OAF: variants seen among roughly 807,000 people sequenced by gnomAD.
OAF encodes out at first homolog, also known as out at first protein homolog.
A neutral mutation model predicts 22.5 loss-of-function variants in OAF; 13 were observed. The ratio of observed to expected loss-of-function variants is 0.58; its 90% CI spans 0.38 to 0.92. The LOEUF (loss-of-function observed/expected upper bound fraction) is 0.92, where lower values mean the gene tolerates loss of function less well. Among genes scored for constraint, OAF ranks in the 40% least tolerant of loss-of-function variants. OAF has a pLI of 0.00. For synonymous variants in OAF, 175 were observed against 170.5 expected (o/e 1.03, Z -0.21); for missense variants, 347 against 381.8 (o/e 0.91, Z 0.76).
intron 1 of OAF, chr11:120,217,092 A>C (rs1938221980): frequency 6.6e-6 from 1 of 152,296 alleles, no homozygotes; most frequent in Non-Finnish European, 1.5e-5. Context: ...GGAGGGGAGA[A>C]GGAGGCTGGA....
At position 120,229,039 on chromosome 11, in the gene OAF, C is replaced by A. The variant is rs1938399810; in HGVS notation, c.719C>A (p.Pro240His). 1 of 1,613,654 alleles carries A rather than the reference C, an allele frequency of 6.2e-7. No individual in the cohort carries two copies. Among genetic ancestry groups the A allele is most frequent in the African/African-American group, 1.3e-5 (1 of 75,034 alleles). ...TGCCACAGCCGCGACCGGCCCACGC[C>A]CTACAAGTGTGGCATCCGCAGCTGC... ...KYCHSRDRPT[P>H]YKCGIRSCQK... The change falls in exon 4 of 4, where the codon CCC (proline) becomes CAC (histidine). Residue 240 changes from proline to histidine, a missense_variant. Transcript: ENST00000328965.
intron 1 of OAF, among the ~76,000 whole-genome samples, chr11:120,216,756 A>AGAGT (rs1320749986): frequency 1.3e-5 from 2 of 152,122 alleles, no homozygotes; most frequent in Non-Finnish European, 2.9e-5. Context: ...GCTGGTGGGG[A>AGAGT]GAGTGAGTTA....
chr11:120,228,112 C>A (rs1316456682), intron 3 of OAF, among the ~76,000 whole-genome samples: 2 of 149,284 alleles, frequency 1.3e-5, no homozygotes, highest in African/African-American at 4.9e-5. Context: ...GAGATAAAGT[C>A]TCACTGTTGT....
intron 1 of OAF, among the ~76,000 whole-genome samples, chr11:120,217,751 A>G (rs551066655): frequency 6.6e-6 from 1 of 152,302 alleles, no homozygotes; most frequent in South Asian, 2.1e-4. Flanking sequence ...CAGTGTGCGC[A>G]GTGACTAAGA....
In OAF at chr11:120,222,332, C is replaced by T. The variant is rs186074502; in HGVS notation, c.232-3329C>T. 1.6e-3 allele frequency among the ~76,000 whole-genome samples: 238 copies of T among 152,076 alleles called. 2 individuals carry two copies. The East Asian group carries it at 0.042, about 27-fold the overall frequency. On this transcript the variant is annotated intron_variant, in intron 1 of 3. Coordinates refer to ENST00000328965, the MANE Select transcript of OAF (RefSeq NM_178507.4). ...CAGCACTTTGGGAGGCCAAGGCAGGCGGATCACCTGAGGTCAGGAGTTCGA... is the reference window on the plus strand; with the variant it reads ...CAGCACTTTGGGAGGCCAAGGCAGGTGGATCACCTGAGGTCAGGAGTTCGA...
chr11:120,228,943 G>A lies in OAF; in HGVS notation c.623G>A (p.Gly208Glu). Residue 208 changes from glycine to glutamate, a missense_variant, in exon 4 of 4, where the codon GGG becomes GAG. Physicochemically the swap from Gly to Glu is moderately conservative, Grantham distance 98 (BLOSUM62 -2). Transcript: ENST00000328965. ...QAELPRCRQV[G>E]DHGKPCVCRY... ...GAGCTGCCTCGCTGCAGGCAGGTGGGGGACCACGGGAAGCCCTGCGTCTGC... is the reference window on the plus strand; with the variant it reads ...GAGCTGCCTCGCTGCAGGCAGGTGGAGGACCACGGGAAGCCCTGCGTCTGC... The A allele has an allele frequency of 6.2e-7, 1 of 1,611,878 alleles. No individual in the cohort carries two copies. The highest frequency in any genetic ancestry group is 8.5e-7 in the Non-Finnish European group (1 of 1,179,802).
rs144197830 is a variant in OAF at position 120,219,093 on chromosome 11, G to T, written c.232-6568G>T. ...GATGCGGGGTGTGCCCTGACGCTGG[G>T]CATGAGATGGGGAATTCACAGGGGG... On this transcript the variant is annotated intron_variant, in intron 1 of 3. Coordinates refer to ENST00000328965, the MANE Select transcript of OAF (RefSeq NM_178507.4). 1.9e-3 allele frequency among the ~76,000 whole-genome samples: 277 copies of T among 147,166 alleles called. 1 individual carries two copies. Among genetic ancestry groups the T allele is most frequent in the African/African-American group, 6.5e-3 (265 of 40,510 alleles).
At chr11:120,217,569 A>C (rs1938229289) in intron 1 of OAF, 1 of 150,128 alleles carries the variant, frequency 6.7e-6, no homozygotes, top group African/African-American at 2.5e-5. Context: ...ACAGAGTGAG[A>C]CTCCATCTCA....
In OAF at chr11:120,229,257, C is replaced by CCAGGCT; in HGVS notation, c.*116_*117insAGGCTC. On this transcript the variant is annotated 3_prime_UTR_variant, in exon 4 of 4. Transcript: ENST00000328965. Reference sequence around the variant, plus strand: ...TTCCCTCCCTCCCCACTCCCCTGGCCCTAGAGCCTGGGCCCCTCTGGCCCC... The same window carrying CCAGGCT: ...TTCCCTCCCTCCCCACTCCCCTGGCCCAGGCTCTAGAGCCTGGGCCCCTCTGGCCCC... 1.0e-6 allele frequency: 1 copy of CCAGGCT among 975,580 alleles called. No homozygotes were observed. The highest frequency in any genetic ancestry group is 1.5e-6 in the Non-Finnish European group (1 of 658,740). The allele number at this position is 975,580 out of a possible 1,614,324, so 60.4% of individuals were successfully genotyped here.
Position 120,226,944 on chromosome 11 carries a change from C to A in OAF, c.495C>A (p.Ala165=). 3.1e-6 allele frequency: 5 copies of A among 1,609,162 alleles called. No homozygotes were observed. In the South Asian group the frequency reaches 4.4e-5, roughly 14 times the overall value. The stretch of plus-strand genomic sequence containing the variant: ...ATCTCCACAACGTGTGTGCCGAGGC[C>A]GTGGATGCCATCTACACCCGCCAGG... ...SPHLHNVCAE[A]VDAIYTRQED... is the part of the protein sequence containing the mutation. Residue 165 remains alanine (A), a synonymous_variant, in exon 3 of 4, where the codon GCC becomes GCA. Transcript: ENST00000328965.
Position 120,229,266 on chromosome 11 carries a change from T to C in OAF, c.*124T>C, listed in dbSNP as rs1264876366. ...TCCCCACTCCCCTGGCCCTAGAGCC[T>C]GGGCCCCTCTGGCCCCATCTCACAT... On this transcript the variant is annotated 3_prime_UTR_variant, in exon 4 of 4. Coordinates refer to ENST00000328965, the MANE Select transcript of OAF (RefSeq NM_178507.4). 4 of 873,004 alleles carry C rather than the reference T, an allele frequency of 4.6e-6. No homozygotes were observed. The highest frequency in any genetic ancestry group is 7.0e-6 in the Non-Finnish European group (4 of 572,474). 54.1% of individuals were successfully genotyped at this position (873,004 alleles called of 1,614,324 possible).
At chr11:120,217,755 A>G (rs1265548831) in intron 1 of OAF, among the ~76,000 whole-genome samples, 1 of 152,178 alleles carries the variant, frequency 6.6e-6, no homozygotes, top group Non-Finnish European at 1.5e-5. Context: ...GTGCGCAGTG[A>G]CTAAGAGGCC....
intron 1 of OAF, among the ~76,000 whole-genome samples, chr11:120,222,706 G>T (rs575847049): frequency 6.6e-6 from 1 of 152,172 alleles, no homozygotes; most frequent in Non-Finnish European, 1.5e-5. Flanking sequence ...AAGCTTAGGA[G>T]ATCAAGACCA....
At chr11:120,228,484 G>A (rs472948) in intron 3 of OAF, among the ~76,000 whole-genome samples, 111,880 of 152,026 alleles carry the variant, frequency 0.74, 43,922 homozygotes, top group Non-Finnish European at 0.88. Flanking sequence ...AGCATTGGGT[G>A]GCAGTGTGGT....
At chr11:120,212,919 T>A (rs1938170718) in intron 1 of OAF, among the ~76,000 whole-genome samples, 1 of 151,042 alleles carries the variant, frequency 6.6e-6, no homozygotes, top group African/African-American at 2.4e-5. Context: ...CCTCCCCACC[T>A]AAACCCTAGG....
intron 1 of OAF, among the ~76,000 whole-genome samples, chr11:120,214,203 G>C (rs1938183890): frequency 6.6e-6 from 1 of 152,178 alleles, no homozygotes; most frequent in African/African-American, 2.4e-5. Context: ...CTTATTAGCA[G>C]GTTCACCCTG....
Position 120,211,519 on chromosome 11 carries a change from C to G in OAF, c.231+9C>G. 3.5e-6 allele frequency: 5 copies of G among 1,437,066 alleles called. No individual in the cohort carries two copies. Among genetic ancestry groups the G allele is most frequent in the Non-Finnish European group, 4.6e-6 (5 of 1,085,944 alleles). 89.0% of individuals were successfully genotyped at this position (1,437,066 alleles called of 1,614,324 possible). On this transcript the variant is annotated intron_variant, in intron 1 of 3. Coordinates refer to ENST00000328965, the MANE Select transcript of OAF (RefSeq NM_178507.4). The stretch of plus-strand genomic sequence containing the variant: ...CCGCCGACTTCAAGAAGGTGAGGCG[C>G]CCTCACTCGCCGGGGTGGCACCTTC...
chr11:120,225,939 C>G (rs545588057), intron 2 of OAF, 144 bp downstream of exon 2: 8 of 665,058 alleles, frequency 1.2e-5, no homozygotes, highest in South Asian at 5.9e-5. Context: ...GATTCCCCAA[C>G]CTTAGCCTCC....
intron 1 of OAF, 23 bp from the exon 2 acceptor site, chr11:120,225,638 C>G: frequency 6.4e-7 from 1 of 1,571,570 alleles, no homozygotes; most frequent in Non-Finnish European, 8.6e-7. Flanking sequence ...TCCAGCCGTT[C>G]CCATCCTCCT....
Sources: gnomAD v4.1 joint callset for allele counts (sites outside exome capture counted in the v4.1 genomes callset) on GRCh38, gnomAD v4.1.1 for gene constraint, MANE v1.5 for transcripts, NCBI Gene and HGNC (gene_info 2026-07-23, HGNC 2026-07-21) for gene names.